The following TENM1 variants were observed in gnomAD, a reference collection of about 807,000 sequenced individuals.
TENM1 encodes the protein teneurin transmembrane protein 1.
TENM1 carries 35 observed loss-of-function variants against 174.8 expected under a neutral mutation model. The observed-to-expected ratio is 0.20, with a 90% confidence interval of 0.15 to 0.27. The LOEUF is 0.27. Ranked by LOEUF, TENM1 falls within the 10% of genes least tolerant of loss-of-function variation. The pLI is 1.00. For missense variants in TENM1, 1,633 were observed against 2,130.1 expected (o/e 0.77, Z 4.59); for synonymous variants, 781 against 798.7 (o/e 0.98, Z 0.37).
At chrX:125,044,659 C>T in the TENM1 span, among the ~76,000 whole-genome samples, 9 of 110,850 alleles carry the variant, frequency 8.1e-5, no homozygotes, top group African/African-American at 2.9e-4. Flanking sequence ...ATAACCACAA[C>T]AGAGACTATA....
the TENM1 span, among the ~76,000 whole-genome samples, chrX:125,191,313 A>G: frequency 8.9e-6 from 1 of 112,081 alleles, no homozygotes; most frequent in Non-Finnish European, 1.9e-5. Context: ...CCTACTATGT[A>G]TCAGGCACTG....
At chrX:124,966,587 G>A (rs1486353847), upstream of TENM1, among the ~76,000 whole-genome samples, 1 of 106,638 alleles carries the variant, frequency 9.4e-6, no homozygotes, top group Non-Finnish European at 1.9e-5. Flanking sequence ...GCGTGAACCT[G>A]GGAGGCGGAG....
At chrX:124,956,248 C>A in intron 1 of TENM1, among the ~76,000 whole-genome samples, 1 of 111,989 alleles carries the variant, frequency 8.9e-6, no homozygotes, top group Non-Finnish European at 1.9e-5. Flanking sequence ...TTGACATGTA[C>A]CTTCCCAACT....
chrX:124,608,797 C>G (rs1264729868), intron 11 of TENM1, among the ~76,000 whole-genome samples: 2 of 86,948 alleles, frequency 2.3e-5, no homozygotes, highest in African/African-American at 8.4e-5. Context: ...TTTTTTTTTT[C>G]ATTTTAGGAT....
At chrX:125,102,096 C>T in the TENM1 span, among the ~76,000 whole-genome samples, 5 of 111,586 alleles carry the variant, frequency 4.5e-5, no homozygotes, top group Non-Finnish European at 9.4e-5. Context: ...GATCATTGAG[C>T]ATTGTGGGCT....
intron 5 of TENM1, among the ~76,000 whole-genome samples, chrX:124,696,169 G>A (rs1045773301): frequency 9.0e-6 from 1 of 111,658 alleles, no homozygotes; most frequent in Non-Finnish European, 1.9e-5. Context: ...TTATAGCCTG[G>A]AGTAGCATTG....
the TENM1 span, among the ~76,000 whole-genome samples, chrX:124,970,701 G>C: frequency 2.1e-4 from 23 of 111,730 alleles, no homozygotes; most frequent in African/African-American, 2.9e-4. Flanking sequence ...CTGTAAACTA[G>C]TTCAACCATT....
chrX:125,023,803 G>C, the TENM1 span, among the ~76,000 whole-genome samples: 3 of 111,242 alleles, frequency 2.7e-5, no homozygotes, highest in Non-Finnish European at 5.7e-5. Flanking sequence ...ACATCCTACA[G>C]GACAGGGGAA....
intron 3 of TENM1, among the ~76,000 whole-genome samples, chrX:124,757,175 A>T (rs1251665745): frequency 1.8e-5 from 2 of 112,208 alleles, no homozygotes; most frequent in Non-Finnish European, 1.9e-5. Flanking sequence ...TGCTTTGTTT[A>T]CCTAAGCAAG....
At chrX:124,476,835 A>C (rs1039390456) in intron 22 of TENM1, among the ~76,000 whole-genome samples, 1 of 112,734 alleles carries the variant, frequency 8.9e-6, no homozygotes, top group African/African-American at 3.2e-5. Flanking sequence ...TTTCAACTAC[A>C]TCATCCATGC....
chrX:124,513,222 G>C (rs1394986423), intron 18 of TENM1, among the ~76,000 whole-genome samples: 1 of 111,509 alleles, frequency 9.0e-6, no homozygotes, highest in African/African-American at 3.3e-5. Flanking sequence ...GCCTTTTCCA[G>C]CTTCTAGTAG....
intron 4 of TENM1, among the ~76,000 whole-genome samples, chrX:124,724,528 G>T: frequency 8.9e-6 from 1 of 112,121 alleles, no homozygotes. Context: ...ATGTGTGGTG[G>T]CTCACGCCTG....
intron 14 of TENM1, among the ~76,000 whole-genome samples, chrX:124,550,761 A>ATTT (rs59121201): frequency 2.0e-5 from 2 of 101,552 alleles, no homozygotes; most frequent in Admixed American, 1.1e-4. Context: ...CTTTGGCTCT[A>ATTT]TTTTTTTTTT....
At chrX:124,472,520 A>G (rs745409170) in intron 22 of TENM1, among the ~76,000 whole-genome samples, 1 of 109,152 alleles carries the variant, frequency 9.2e-6, no homozygotes, top group South Asian at 4.0e-4. Context: ...CCAAAAATGG[A>G]ATCAATTGTT....
chrX:125,005,059 T>G, the TENM1 span, among the ~76,000 whole-genome samples: 1 of 110,509 alleles, frequency 9.0e-6, no homozygotes, highest in Admixed American at 9.7e-5. Context: ...GTCTCCTGCC[T>G]CTTGACCTTA....
At chrX:124,955,832 C>CACACACACACACA (rs2058566102) in intron 1 of TENM1, among the ~76,000 whole-genome samples, 1 of 109,722 alleles carries the variant, frequency 9.1e-6, no homozygotes. Context: ...CACACAGACA[C>CACACACACACACA]CATTTCTTTA....
intron 25 of TENM1, among the ~76,000 whole-genome samples, chrX:124,408,700 G>C: frequency 9.3e-6 from 1 of 107,248 alleles, no homozygotes; most frequent in Non-Finnish European, 1.9e-5. Flanking sequence ...TTAAATTTTA[G>C]GGTACATGTG....
At chrX:124,908,156 C>T (rs1352150188) in intron 1 of TENM1, among the ~76,000 whole-genome samples, 1 of 111,880 alleles carries the variant, frequency 8.9e-6, no homozygotes, top group African/African-American at 3.2e-5. Flanking sequence ...ATGAATTTAG[C>T]ATCTTCTTTT....
chrX:124,460,739 G>GAAA (rs113811946), intron 22 of TENM1, among the ~76,000 whole-genome samples: 2 of 89,301 alleles, frequency 2.2e-5, no homozygotes, highest in Non-Finnish European at 2.3e-5. Flanking sequence ...AGTAGAAGTT[G>GAAA]AAAAAAAAAA....
Sources: gnomAD v4.1 joint callset for allele counts (sites outside exome capture counted in the v4.1 genomes callset) on GRCh38, gnomAD v4.1.1 for gene constraint, MANE v1.5 for transcripts, NCBI Gene and HGNC (gene_info 2026-07-23, HGNC 2026-07-21) for gene names.